Variants in GRIK1 observed in about 807,000 individuals in gnomAD.
GRIK1 encodes glutamate receptor ionotropic, kainate 1.
In GRIK1, 69 loss-of-function variants were observed where a neutral mutation model predicts 105.7. The observed-to-expected ratio is 0.65, with a 90% confidence interval of 0.54 to 0.80. GRIK1 has a LOEUF of 0.80. Among genes scored for constraint, GRIK1 ranks in the 30% least tolerant of loss-of-function variants. The pLI is 0.00. For synonymous variants in GRIK1, 438 were observed against 431.3 expected (o/e 1.02, Z -0.19); for missense variants, 1,109 against 1,167.3 (o/e 0.95, Z 0.73).
chr21:29,705,000 C>T (rs1054115364), intron 1 of GRIK1, among the ~76,000 whole-genome samples: 1 of 152,188 alleles, frequency 6.6e-6, no homozygotes, highest in African/African-American at 2.4e-5. Flanking sequence ...GACTCATATT[C>T]ATGCTGAAGA....
intron 1 of GRIK1, among the ~76,000 whole-genome samples, chr21:29,740,418 A>G (rs1161821530): frequency 6.6e-6 from 1 of 152,092 alleles, no homozygotes; most frequent in Non-Finnish European, 1.5e-5. Flanking sequence ...GGGTTTCACC[A>G]TGGTGGCCAG....
intron 1 of GRIK1, among the ~76,000 whole-genome samples, chr21:29,925,753 G>A (rs1301559103): frequency 1.1e-4 from 16 of 152,176 alleles, no homozygotes; most frequent in African/African-American, 3.1e-4. Context: ...ATCTGATATA[G>A]GAGTGAGACT....
At chr21:29,883,531 T>C (rs1003598117) in intron 1 of GRIK1, among the ~76,000 whole-genome samples, 16 of 151,958 alleles carry the variant, frequency 1.1e-4, no homozygotes, top group Admixed American at 8.5e-4. Flanking sequence ...GTGGTGCACA[T>C]TTTCCTTCCA....
chr21:29,858,489 G>C (rs911584911), intron 1 of GRIK1, among the ~76,000 whole-genome samples: 31 of 152,170 alleles, frequency 2.0e-4, no homozygotes, highest in African/African-American at 7.0e-4. Context: ...CCCGGCGGCT[G>C]TTCCTATGGG....
chr21:29,917,679 A>G (rs938808918), intron 1 of GRIK1, among the ~76,000 whole-genome samples: 1 of 151,986 alleles, frequency 6.6e-6, no homozygotes, highest in African/African-American at 2.4e-5. Flanking sequence ...ACTTGACCCC[A>G]AAATAATTGT....
At chr21:29,907,681 C>G (rs1391828290) in intron 1 of GRIK1, among the ~76,000 whole-genome samples, 1 of 151,902 alleles carries the variant, frequency 6.6e-6, no homozygotes, top group Non-Finnish European at 1.5e-5. Context: ...AAGAGCTAAA[C>G]CTGACAAAAA....
chr21:29,703,141 T>G (rs1344293047), intron 1 of GRIK1, among the ~76,000 whole-genome samples: 1 of 152,262 alleles, frequency 6.6e-6, no homozygotes, highest in East Asian at 1.9e-4. Context: ...TGAGTTTTTA[T>G]GTTTATGATA....
At chr21:29,794,629 A>G (rs1007678529) in intron 1 of GRIK1, among the ~76,000 whole-genome samples, 2 of 152,182 alleles carry the variant, frequency 1.3e-5, no homozygotes, top group Non-Finnish European at 2.9e-5. Flanking sequence ...GCAGTTGCAT[A>G]TATTATGTGT....
At chr21:29,847,172 T>G (rs2068150377) in intron 1 of GRIK1, among the ~76,000 whole-genome samples, 1 of 152,244 alleles carries the variant, frequency 6.6e-6, no homozygotes, top group South Asian at 2.1e-4. Flanking sequence ...AGCTCTCCGC[T>G]CTTTTCTTCA....
At chr21:29,634,050 G>T (rs1181138094) in intron 7 of GRIK1, among the ~76,000 whole-genome samples, 2 of 152,104 alleles carry the variant, frequency 1.3e-5, no homozygotes, top group African/African-American at 4.8e-5. Context: ...CGTTTCACCA[G>T]GGACTTTTTT....
At chr21:29,596,767 A>G (rs150495276) in intron 8 of GRIK1, 197 bp from the exon 9 acceptor site, 27 of 594,736 alleles carry the variant, frequency 4.5e-5, no homozygotes, top group Non-Finnish European at 8.1e-5. Flanking sequence ...GTCTCACAGA[A>G]GTTACCTGGT....
chr21:29,802,171 C>T lies in GRIK1; in HGVS notation c.119-108108G>A, dbSNP rs564522909. Among the ~76,000 whole-genome samples, 13 of 152,282 alleles carry T rather than the reference C, an allele frequency of 8.5e-5. No homozygotes were observed. The East Asian group carries it at 2.3e-3, about 27-fold the overall frequency. ...TAGAAAGATCTGAATTCTCAATTGTCTCTGAATTCAAAAATTGTGGAGTCA... is the reference window on the plus strand; with the variant it reads ...TAGAAAGATCTGAATTCTCAATTGTTTCTGAATTCAAAAATTGTGGAGTCA... On this transcript the variant is annotated intron_variant, in intron 1 of 17. Transcript: ENST00000327783.
intron 12 of GRIK1, among the ~76,000 whole-genome samples, chr21:29,585,936 C>CTGTA (rs2091121564): frequency 6.6e-6 from 1 of 152,080 alleles, no homozygotes; most frequent in Non-Finnish European, 1.5e-5. Flanking sequence ...GGTACCTGTC[C>CTGTA]TGTACACCAT....
chr21:29,804,174 T>C (rs2066790531), intron 1 of GRIK1, among the ~76,000 whole-genome samples: 2 of 152,064 alleles, frequency 1.3e-5, no homozygotes, highest in South Asian at 2.1e-4. Context: ...CCCCCATATA[T>C]CCATTTTTCC....
At chr21:29,901,810 T>G (rs1054935907) in intron 1 of GRIK1, among the ~76,000 whole-genome samples, 1 of 152,180 alleles carries the variant, frequency 6.6e-6, no homozygotes, top group Non-Finnish European at 1.5e-5. Context: ...GCCAGCATCA[T>G]TCTGATACCA....
chr21:29,675,710 C>G (rs1568962391), intron 3 of GRIK1, among the ~76,000 whole-genome samples: 1 of 152,176 alleles, frequency 6.6e-6, no homozygotes, highest in Non-Finnish European at 1.5e-5. Flanking sequence ...TGTCAACTCT[C>G]TTGAGGTAGA....
At chr21:29,592,653 G>A (rs1384010355) in intron 9 of GRIK1, among the ~76,000 whole-genome samples, 2 of 152,192 alleles carry the variant, frequency 1.3e-5, no homozygotes, top group Admixed American at 6.5e-5. Flanking sequence ...TACCTATAAA[G>A]TATTTCACAG....
At chr21:29,934,050 T>C (rs1194898392) in intron 1 of GRIK1, among the ~76,000 whole-genome samples, 2 of 152,160 alleles carry the variant, frequency 1.3e-5, no homozygotes, top group Non-Finnish European at 2.9e-5. Flanking sequence ...GAAAGAGGAT[T>C]GAGAGATTAC....
chr21:29,723,092 T>C (rs1197799003), intron 1 of GRIK1, among the ~76,000 whole-genome samples: 3 of 152,094 alleles, frequency 2.0e-5, no homozygotes, highest in Non-Finnish European at 4.4e-5. Flanking sequence ...GCCAAGAGGA[T>C]TGACTTGAGC....
Sources: gnomAD v4.1 joint callset for allele counts (sites outside exome capture counted in the v4.1 genomes callset) on GRCh38, gnomAD v4.1.1 for gene constraint, MANE v1.5 for transcripts, NCBI Gene and HGNC (gene_info 2026-07-23, HGNC 2026-07-21) for gene names.